Variants in CFAP299 observed in about 807,000 individuals in gnomAD.
The protein encoded by CFAP299 is cilia and flagella associated protein 299.
Under a neutral mutation model 27.0 loss-of-function variants are expected in CFAP299, and 21 were observed. The ratio of observed to expected loss-of-function variants is 0.78; its 90% CI spans 0.55 to 1.12. The LOEUF (loss-of-function observed/expected upper bound fraction) is 1.12. Ranked by LOEUF, CFAP299 falls within the 50% of genes most tolerant of loss-of-function variation. CFAP299 has a pLI of 0.00. For missense variants in CFAP299, 310 were observed against 276.6 expected (o/e 1.12, Z -0.86); for synonymous variants, 104 against 98.1 (o/e 1.06, Z -0.36).
At chr4:80,833,993 GGA>G (rs1578166829) in intron 3 of CFAP299, among the ~76,000 whole-genome samples, 1 of 152,170 alleles carries the variant, frequency 6.6e-6, no homozygotes, top group East Asian at 1.9e-4. Context: ...AGGTTTACAA[GGA>G]GAGAGGAGTA....
intron 2 of CFAP299, among the ~76,000 whole-genome samples, chr4:80,527,914 G>T (rs554754860): frequency 5.3e-5 from 8 of 152,168 alleles, no homozygotes; most frequent in Middle Eastern, 3.4e-3. Flanking sequence ...TTTCCTGGTT[G>T]ACAAATGACA....
intron 2 of CFAP299, among the ~76,000 whole-genome samples, chr4:80,503,723 A>G (rs1243759613): frequency 6.6e-6 from 1 of 152,070 alleles, no homozygotes; most frequent in African/African-American, 2.4e-5. Context: ...ATCTTCCACC[A>G]TTTTCAGGCT....
At chr4:80,327,750 T>TATAACTTCAATACATATATATA in the CFAP299 span, among the ~76,000 whole-genome samples, 6 of 144,606 alleles carry the variant, frequency 4.1e-5, no homozygotes, top group Admixed American at 7.0e-5. Context: ...TATATATATG[T>TATAACTTCAATACATATATATA]TGAGAAAGCT....
intron 3 of CFAP299, among the ~76,000 whole-genome samples, chr4:80,632,449 T>G (rs1338470350): frequency 6.6e-6 from 1 of 152,210 alleles, no homozygotes; most frequent in Non-Finnish European, 1.5e-5. Flanking sequence ...AATCTACATT[T>G]ATTCAGCATC....
chr4:80,436,966 T>G (rs1006372202), intron 2 of CFAP299, among the ~76,000 whole-genome samples: 1 of 152,212 alleles, frequency 6.6e-6, no homozygotes, highest in African/African-American at 2.4e-5. Context: ...TACTCATGAT[T>G]TGAAGGAATT....
At chr4:80,902,028 C>T (rs1734925706) in intron 4 of CFAP299, among the ~76,000 whole-genome samples, 2 of 151,954 alleles carry the variant, frequency 1.3e-5, no homozygotes, top group South Asian at 4.1e-4. Context: ...TTGTGAAAAA[C>T]AGTTCAGCCT....
chr4:80,645,807 TC>T (rs1007637474), intron 3 of CFAP299, among the ~76,000 whole-genome samples: 2 of 152,198 alleles, frequency 1.3e-5, no homozygotes, highest in African/African-American at 4.8e-5. Context: ...TAGCATATTT[TC>T]CAAGGTCTTT....
chr4:80,435,901 A>T (rs949715518), intron 2 of CFAP299, among the ~76,000 whole-genome samples: 1 of 152,098 alleles, frequency 6.6e-6, no homozygotes, highest in Non-Finnish European at 1.5e-5. Context: ...ATAAACTTTT[A>T]TTTTAGTTTA....
chr4:80,862,223 A>T (rs970495578), intron 3 of CFAP299, among the ~76,000 whole-genome samples: 1 of 152,058 alleles, frequency 6.6e-6, no homozygotes, highest in Non-Finnish European at 1.5e-5. Flanking sequence ...TACAAAAATT[A>T]GCTTGGAGCA....
chr4:80,731,757 G>A (rs1326916454), intron 3 of CFAP299, among the ~76,000 whole-genome samples: 1 of 152,016 alleles, frequency 6.6e-6, no homozygotes, highest in Non-Finnish European at 1.5e-5. Flanking sequence ...TGGCTGAGTT[G>A]ATGTTTATCA....
At chr4:80,961,219 A>G (rs1738329175) in intron 5 of CFAP299, among the ~76,000 whole-genome samples, 1 of 151,698 alleles carries the variant, frequency 6.6e-6, no homozygotes, top group African/African-American at 2.4e-5. Flanking sequence ...TAGTTAGTAG[A>G]CCTAAGTAAG....
the CFAP299 span, among the ~76,000 whole-genome samples, chr4:80,330,126 G>A: frequency 6.6e-6 from 1 of 152,088 alleles, no homozygotes; most frequent in Non-Finnish European, 1.5e-5. Flanking sequence ...TAAAAAGTGT[G>A]CAATAAACTT....
intron 3 of CFAP299, among the ~76,000 whole-genome samples, chr4:80,620,237 A>G (rs2109930304): frequency 6.6e-6 from 1 of 152,242 alleles, no homozygotes; most frequent in East Asian, 1.9e-4. Context: ...AACAATCTTC[A>G]GGGTTTCAGG....
chr4:80,735,654 C>G (rs1489212509), intron 3 of CFAP299, among the ~76,000 whole-genome samples: 1 of 151,988 alleles, frequency 6.6e-6, no homozygotes, highest in African/African-American at 2.4e-5. Context: ...AAGGGATGTT[C>G]AACTTTATTA....
intron 3 of CFAP299, among the ~76,000 whole-genome samples, chr4:80,835,553 A>G (rs2110134695): frequency 6.6e-6 from 1 of 152,084 alleles, no homozygotes; most frequent in Admixed American, 6.5e-5. Flanking sequence ...TCCCAATGAT[A>G]TCAGGTTCTA....
chr4:80,920,951 C>A (rs1356557454), intron 4 of CFAP299, among the ~76,000 whole-genome samples: 3 of 152,116 alleles, frequency 2.0e-5, no homozygotes, highest in Non-Finnish European at 4.4e-5. Context: ...CTTCTTTTAA[C>A]CTGCCTTTTA....
At chr4:80,682,989 C>T (rs574465176) in intron 3 of CFAP299, among the ~76,000 whole-genome samples, 1 of 152,282 alleles carries the variant, frequency 6.6e-6, no homozygotes, top group South Asian at 2.1e-4. Flanking sequence ...ATTCAACATT[C>T]TGTAAGGGTC....
At chr4:80,461,452 T>C (rs567937187) in intron 2 of CFAP299, among the ~76,000 whole-genome samples, 1 of 152,256 alleles carries the variant, frequency 6.6e-6, no homozygotes, top group Non-Finnish European at 1.5e-5. Context: ...GTAAAATACT[T>C]AGATTTCTTT....
At chr4:80,388,244 G>C (rs528604925) in intron 2 of CFAP299, 4 of 690,408 alleles carry the variant, frequency 5.8e-6, no homozygotes, top group Admixed American at 3.9e-5. Flanking sequence ...CACAGGTCGC[G>C]GGCCCTAGGG....
Sources: allele counts gnomAD v4.1 joint callset (sites outside exome capture counted in the v4.1 genomes callset), GRCh38; gene constraint gnomAD v4.1.1; transcripts MANE v1.5; gene names NCBI Gene and HGNC (gene_info 2026-07-23, HGNC 2026-07-21).